PACRGL: variants seen among roughly 807,000 people sequenced by gnomAD.
The protein encoded by PACRGL is parkin coregulated like, also known as PACRG-like protein.
In PACRGL, 38 loss-of-function variants were observed where a neutral mutation model predicts 34.5. That is an observed-to-expected ratio of 1.10 (90% CI 0.85 to 1.44). The LOEUF is 1.44. Ranked by LOEUF, PACRGL falls within the 40% of genes most tolerant of loss-of-function variation. The pLI, the probability that PACRGL is intolerant of heterozygous loss-of-function variation, is 0.00. For missense variants in PACRGL, 305 were observed against 281.4 expected (o/e 1.08, Z -0.60); for synonymous variants, 128 against 100.1 (o/e 1.28, Z -1.66).
Position 20,724,812 on chromosome 4 carries a change from C to T in PACRGL, c.614C>T (p.Ser205Phe). The T allele has an allele frequency of 6.8e-7, 1 of 1,477,752 alleles. No homozygotes were observed. The highest frequency in any genetic ancestry group is 8.9e-7 in the Non-Finnish European group (1 of 1,121,762). 91.5% of individuals were successfully genotyped at this position (1,477,752 alleles called of 1,614,324 possible). The change falls in exon 8 of 9, where the codon TCC (serine) becomes TTC (phenylalanine). Residue 205 changes from serine to phenylalanine, a missense_variant. Coordinates refer to ENST00000503585, the MANE Select transcript of PACRGL (RefSeq NM_001258345.3). ...DHLKHLLTSL[S>F]KRLMDKKFKE... Reference sequence around the variant, plus strand: ...CCCCTAATCTTACTTTAAAAGCTTTCCAAGAGATTAATGGACAAGAAATTC... The same window carrying T: ...CCCCTAATCTTACTTTAAAAGCTTTTCAAGAGATTAATGGACAAGAAATTC...
upstream of PACRGL, among the ~76,000 whole-genome samples, chr4:20,698,968 C>A (rs1448158464): frequency 1.3e-5 from 2 of 152,188 alleles, no homozygotes; most frequent in Non-Finnish European, 2.9e-5. Flanking sequence ...TCGTCATCCA[C>A]AAGGACTCAT....
intron 7 of PACRGL, among the ~76,000 whole-genome samples, chr4:20,715,781 C>G (rs1481649931): frequency 1.3e-5 from 2 of 151,988 alleles, no homozygotes; most frequent in Non-Finnish European, 2.9e-5. Flanking sequence ...AGGAGAATTG[C>G]TTGAACCTTG....
chr4:20,699,996 A>G (rs1731550480), upstream of PACRGL, among the ~76,000 whole-genome samples: 5 of 152,168 alleles, frequency 3.3e-5, no homozygotes, highest in Admixed American at 2.6e-4. Context: ...ATTTAGCCAG[A>G]TAGAACAGGA....
chr4:20,724,944 A>C (rs911791646), intron 8 of PACRGL, 56 bp downstream of exon 8: 1 of 982,568 alleles, frequency 1.0e-6, no homozygotes, highest in African/African-American at 1.7e-5. Flanking sequence ...TGTATTACTA[A>C]ATTGACATAT....
At chr4:20,746,362 G>C (rs1008793280) in intron 8 of PACRGL, among the ~76,000 whole-genome samples, 1 of 152,012 alleles carries the variant, frequency 6.6e-6, no homozygotes, top group African/African-American at 2.4e-5. Context: ...TCACACACCA[G>C]GGCATGTCGG....
At chr4:20,746,675 T>G (rs544989238) in intron 8 of PACRGL, among the ~76,000 whole-genome samples, 1 of 152,316 alleles carries the variant, frequency 6.6e-6, no homozygotes, top group Non-Finnish European at 1.5e-5. Context: ...ATTGCTGATG[T>G]TTTAGCAGTA....
At chr4:20,712,754 G>A (rs1157239843) in intron 5 of PACRGL, 34 bp from the exon 6 acceptor site, 6 of 1,416,526 alleles carry the variant, frequency 4.2e-6, no homozygotes, top group Non-Finnish European at 4.7e-6. Flanking sequence ...AATGAAATGG[G>A]TAGTAAATCA....
the PACRGL span, among the ~76,000 whole-genome samples, chr4:20,761,815 A>G: frequency 4.8e-4 from 73 of 152,358 alleles, no homozygotes; most frequent in Middle Eastern, 3.4e-3. Context: ...TCTCTGCCAA[A>G]TGAAAACTAC....
intron 7 of PACRGL, among the ~76,000 whole-genome samples, chr4:20,714,804 G>A (rs907147996): frequency 1.3e-5 from 2 of 152,076 alleles, no homozygotes; most frequent in Non-Finnish European, 2.9e-5. Context: ...GGAGAAATAG[G>A]AACACTTTTA....
At chr4:20,719,021 C>T (rs1307079788) in intron 7 of PACRGL, 1 of 152,154 alleles carries the variant, frequency 6.6e-6, no homozygotes, top group African/African-American at 2.4e-5. Flanking sequence ...TGTTATTGGT[C>T]TATTCAGAGA....
At chr4:20,744,563 A>G (rs1408846280) in intron 8 of PACRGL, among the ~76,000 whole-genome samples, 4 of 152,120 alleles carry the variant, frequency 2.6e-5, no homozygotes, top group African/African-American at 9.7e-5. Flanking sequence ...TGGGAATTGA[A>G]AAATGAGAAC....
In PACRGL at chr4:20,730,026, T is replaced by C. The variant is rs1162703147; in HGVS notation, c.*2685T>C. On this transcript the variant is annotated 3_prime_UTR_variant, in exon 9 of 9. Transcript: ENST00000503585. ...ATGCTAAAAGTGGTAGCTCCAACTT[T>C]AAGGGTGGTAGAATAGTTCACATTT... 2.6e-6 allele frequency: 4 copies of C among 1,555,884 alleles called. No homozygotes were observed. The highest frequency in any genetic ancestry group is 1.4e-5 in the African/African-American group (1 of 72,716).
intron 8 of PACRGL, among the ~76,000 whole-genome samples, chr4:20,725,830 C>G (rs1021701977): frequency 6.6e-6 from 1 of 151,586 alleles, no homozygotes; most frequent in East Asian, 1.9e-4. Flanking sequence ...TCTAAGCCTA[C>G]TAGATAATGA....
At chr4:20,723,002 A>G (rs1744067125) in intron 7 of PACRGL, among the ~76,000 whole-genome samples, 2 of 152,154 alleles carry the variant, frequency 1.3e-5, no homozygotes, top group Non-Finnish European at 2.9e-5. Flanking sequence ...ACTAGGAACT[A>G]CCTGTTCCAA....
chr4:20,703,200 A>G (rs551975424), intron 1 of PACRGL, among the ~76,000 whole-genome samples: 1 of 152,292 alleles, frequency 6.6e-6, no homozygotes, highest in Non-Finnish European at 1.5e-5. Flanking sequence ...TGTCATTTGG[A>G]GGTGGAAGAG....
intron 7 of PACRGL, among the ~76,000 whole-genome samples, chr4:20,720,907 T>C (rs1048971059): frequency 2.0e-5 from 3 of 152,214 alleles, no homozygotes; most frequent in African/African-American, 7.2e-5. Context: ...CTGGATAATA[T>C]CCTGCAGCGT....
chr4:20,726,749 A>G (rs1347710855), intron 8 of PACRGL, among the ~76,000 whole-genome samples: 1 of 152,206 alleles, frequency 6.6e-6, no homozygotes, highest in Non-Finnish European at 1.5e-5. Flanking sequence ...TTACTTTCTT[A>G]GAACTGATCT....
intron 1 of PACRGL, among the ~76,000 whole-genome samples, chr4:20,703,788 G>C (rs1232319957): frequency 1.3e-5 from 2 of 152,088 alleles, no homozygotes; most frequent in African/African-American, 4.8e-5. Context: ...TTTCATAATT[G>C]GTAGAACTGA....
chr4:20,750,016 G>T (rs1753303021), intron 8 of PACRGL, among the ~76,000 whole-genome samples: 1 of 152,182 alleles, frequency 6.6e-6, no homozygotes, highest in African/African-American at 2.4e-5. Flanking sequence ...ACAAGAAATG[G>T]TCCCATAGGT....
Sources: allele counts gnomAD v4.1 joint callset (sites outside exome capture counted in the v4.1 genomes callset), GRCh38; gene constraint gnomAD v4.1.1; transcripts MANE v1.5; gene names NCBI Gene and HGNC (gene_info 2026-07-23, HGNC 2026-07-21).